Variants in ITIH2 observed in about 807,000 individuals in gnomAD.
The protein encoded by ITIH2 is inter-alpha-trypsin inhibitor heavy chain H2.
ITIH2 carries 103 observed loss-of-function variants against 104.4 expected under a neutral mutation model. The ratio of observed to expected loss-of-function variants is 0.99; its 90% CI spans 0.84 to 1.16. The LOEUF is 1.16. Ranked by LOEUF, ITIH2 falls within the 50% of genes most tolerant of loss-of-function variation. The pLI, the probability that ITIH2 is intolerant of heterozygous loss-of-function variation, is 0.00. For synonymous variants in ITIH2, 436 were observed against 435.4 expected (o/e 1.00, Z -0.02); for missense variants, 1,108 against 1,162.4 (o/e 0.95, Z 0.68).
rs1251922842 is a variant in ITIH2 at position 7,737,672 on chromosome 10, CTATATTTTCTATAT to C, written c.1958-942_1958-929del. 1.3e-3 allele frequency among the ~76,000 whole-genome samples: 33 copies of C among 26,212 alleles called. 7 individuals are homozygous for C. The highest frequency in any genetic ancestry group is 1.8e-3 in the Non-Finnish European group (27 of 15,326). 17.2% of individuals were successfully genotyped at this position (26,212 alleles called of 152,430 possible). On this transcript the variant is annotated intron_variant, in intron 15 of 20. Coordinates refer to ENST00000358415, the MANE Select transcript of ITIH2 (RefSeq NM_002216.3). Reference sequence around the variant, plus strand: ...TCTATATTATATTCTATATTATATTCTATATTTTCTATATTATATTCTATATAATATTCTATATT... The same window carrying C: ...TCTATATTATATTCTATATTATATTCTATATTCTATATAATATTCTATATT...
At position 7,744,187 on chromosome 10, in the gene ITIH2, A is replaced by T; in HGVS notation, c.2315A>T (p.Lys772Ile). 6.2e-7 allele frequency: 1 copy of T among 1,614,140 alleles called. No homozygotes were observed. Among genetic ancestry groups the T allele is most frequent in the Non-Finnish European group, 8.5e-7 (1 of 1,180,006 alleles). Residue 772 changes from lysine (K) to isoleucine (I), a missense_variant, in exon 18 of 21, where the codon AAA (lysine) becomes ATA (isoleucine). By Grantham distance (102) the Lys-to-Ile change is moderately radical. Transcript: ENST00000358415. ...TTTTATTTCCAAAGTGAAGACATAA[A>T]AATAGAAATCAGCACTGAGACCATC... ...LGFYFQSEDIKIEISTETITL... is the reference protein window; with the variant it reads ...LGFYFQSEDIIIEISTETITL...
chr10:7,716,735 C>CAA (rs61703360), intron 5 of ITIH2, among the ~76,000 whole-genome samples: 4,874 of 58,462 alleles, frequency 0.083, 150 homozygotes, highest in Non-Finnish European at 0.12. Context: ...GACCCCAGCT[C>CAA]AAAAAAAAAA....
intron 19 of ITIH2, among the ~76,000 whole-genome samples, chr10:7,746,068 TAAAAAAAAAAAAAA>T (rs372266950): frequency 1.7e-4 from 6 of 35,796 alleles, no homozygotes; most frequent in Non-Finnish European, 2.6e-4. Flanking sequence ...ATCTTAAATT[TAAAAAAAAAAAAAA>T]AAAAAAAAAA....
At chr10:7,709,903 G>T (rs1834780803) in intron 4 of ITIH2, among the ~76,000 whole-genome samples, 1 of 152,124 alleles carries the variant, frequency 6.6e-6, no homozygotes, top group Admixed American at 6.5e-5. Flanking sequence ...GCCCAGGCTG[G>T]AGTGCAGTGG....
intron 11 of ITIH2, among the ~76,000 whole-genome samples, chr10:7,728,854 T>G (rs2130953403): frequency 6.6e-6 from 1 of 152,260 alleles, no homozygotes; most frequent in Middle Eastern, 3.4e-3. Context: ...ACAATGGCAG[T>G]CAGAGCTTTA....
At position 7,738,641 on chromosome 10, in the gene ITIH2, A is replaced by G. The variant is rs772151218; in HGVS notation, c.1978A>G (p.Lys660Glu). 6.2e-7 allele frequency: 1 copy of G among 1,614,026 alleles called. No homozygotes were observed. The highest frequency in any genetic ancestry group is 8.5e-7 in the Non-Finnish European group (1 of 1,179,956). The change falls in exon 16 of 21, where the codon AAA becomes GAA. Residue 660 changes from lysine to glutamate, a missense_variant. By Grantham distance (56) the Lys-to-Glu change is moderately conservative. Transcript: ENST00000358415. Reference sequence around the variant, plus strand: ...CGCAGGGGCCCTGTATTACGGCAGCAAAGTGGTTCCAGATTCCACCCCGTC... The same window carrying G: ...CGCAGGGGCCCTGTATTACGGCAGCGAAGTGGTTCCAGATTCCACCCCGTC... ...CCSGALYYGSKVVPDSTPSWA... is the reference protein window; with the variant it reads ...CCSGALYYGSEVVPDSTPSWA...
In ITIH2 at chr10:7,736,317, A is replaced by G. The variant is rs372212902; in HGVS notation, c.1957+1226A>G. On this transcript the variant is annotated intron_variant, in intron 15 of 20. Coordinates refer to ENST00000358415, the MANE Select transcript of ITIH2 (RefSeq NM_002216.3). ...GGAAGGTGAAGGTTGCAGTGAGCCA[A>G]TCACACCACTGCACTCCAGCCTGAG... Among the ~76,000 whole-genome samples the G allele has an allele frequency of 4.5e-4, 68 of 152,284 alleles. 1 individual carries two copies. The South Asian group carries it at 5.6e-3, about 13-fold the overall frequency.
intron 3 of ITIH2, 90 bp downstream of exon 3, chr10:7,707,323 A>C (rs1834756874): frequency 1.1e-6 from 1 of 944,480 alleles, no homozygotes; most frequent in African/African-American, 1.6e-5. Flanking sequence ...TTTCTTCATC[A>C]CCGAGTATTT....
intron 13 of ITIH2, 61 bp from the exon 14 acceptor site, chr10:7,732,277 T>C: frequency 6.5e-7 from 1 of 1,542,078 alleles, no homozygotes; most frequent in South Asian, 1.1e-5. Context: ...ACTAAAAATG[T>C]GAATCAATGA....
chr10:7,737,698 TAA>T (rs1352825523), intron 15 of ITIH2, among the ~76,000 whole-genome samples: 481 of 37,442 alleles, frequency 0.013, 62 homozygotes, highest in South Asian at 0.016. Flanking sequence ...ATATTCTATA[TAA>T]TATTCTATAT....
intron 20 of ITIH2, among the ~76,000 whole-genome samples, chr10:7,747,395 C>G (rs1309150455): frequency 1.3e-5 from 2 of 152,154 alleles, no homozygotes; most frequent in Non-Finnish European, 2.9e-5. Flanking sequence ...AACATTGTAA[C>G]ATAAAATTGT....
chr10:7,746,567 A>G (rs377014751), intron 19 of ITIH2, 26 bp from the exon 20 acceptor site: 15 of 1,442,744 alleles, frequency 1.0e-5, no homozygotes, highest in African/African-American at 4.2e-5. Flanking sequence ...TTACATGTCA[A>G]TCAATGTCTG....
At chr10:7,721,441 C>G (rs985379089) in intron 7 of ITIH2, among the ~76,000 whole-genome samples, 4 of 152,196 alleles carry the variant, frequency 2.6e-5, no homozygotes, top group African/African-American at 7.2e-5. Flanking sequence ...CTAAAAAGGT[C>G]TGAAACCTTG....
Position 7,743,170 on chromosome 10 carries a change from T to C in ITIH2, c.2120T>C (p.Ile707Thr). 1 of 1,573,066 alleles carries C rather than the reference T, an allele frequency of 6.4e-7. No individual in the cohort carries two copies. Among genetic ancestry groups the C allele is most frequent in the Non-Finnish European group, 8.7e-7 (1 of 1,155,300 alleles). Residue 707 changes from isoleucine to threonine, a missense_variant, in exon 17 of 21, where the codon ATT becomes ACT. Ile to Thr is a moderately conservative substitution (Grantham distance 89). Coordinates refer to ENST00000358415, the MANE Select transcript of ITIH2 (RefSeq NM_002216.3). ...GTTGAAAATGACCCACATTTCATCA[T>C]TTATCTACCAAAAAGCCAAAAGAAC... ...MRVENDPHFI[I>T]YLPKSQKNIC...
intron 9 of ITIH2, among the ~76,000 whole-genome samples, chr10:7,725,693 C>T (rs1294767123): frequency 6.6e-6 from 1 of 152,144 alleles, no homozygotes; most frequent in African/African-American, 2.4e-5. Context: ...GTTTTGGATG[C>T]AAAGTCTGAG....
chr10:7,709,822 T>C (rs1588449753), intron 4 of ITIH2, among the ~76,000 whole-genome samples: 1 of 152,324 alleles, frequency 6.6e-6, no homozygotes, highest in East Asian at 1.9e-4. Context: ...CATATTGAAG[T>C]GTTCATAGAT....
rs77184515 is a variant in ITIH2, at chr10:7,712,414, G to A, written c.363-767G>A. ...AGTAAGGTTCAACATGCACATTTGC[G>A]GGGAACATAAACATTCGGTCCATTG... On this transcript the variant is annotated intron_variant, in intron 4 of 20. Coordinates refer to ENST00000358415, the MANE Select transcript of ITIH2 (RefSeq NM_002216.3). Among the ~76,000 whole-genome samples, 545 of 152,236 alleles carry A rather than the reference G, an allele frequency of 3.6e-3. 2 individuals are homozygous for A. Among genetic ancestry groups the A allele is most frequent in the Non-Finnish European group, 5.7e-3 (386 of 68,012 alleles).
intron 5 of ITIH2, among the ~76,000 whole-genome samples, chr10:7,714,253 G>A (rs1234216996): frequency 7.1e-6 from 1 of 141,840 alleles, no homozygotes; most frequent in East Asian, 2.1e-4. Flanking sequence ...CTCACTGCAA[G>A]CTCCGCCCCC....
intron 4 of ITIH2, among the ~76,000 whole-genome samples, chr10:7,712,792 T>C (rs978424341): frequency 1.3e-4 from 20 of 152,216 alleles, no homozygotes; most frequent in Non-Finnish European, 2.6e-4. Flanking sequence ...TTAGCCTTGT[T>C]GGGTTGTTTG....
Sources: gnomAD v4.1 joint callset for allele counts (sites outside exome capture counted in the v4.1 genomes callset) on GRCh38, gnomAD v4.1.1 for gene constraint, MANE v1.5 for transcripts, NCBI Gene and HGNC (gene_info 2026-07-23, HGNC 2026-07-21) for gene names.